XIAP: variants seen among roughly 807,000 people sequenced by gnomAD.
The protein encoded by XIAP is X-linked inhibitor of apoptosis, also known as E3 ubiquitin-protein ligase XIAP.
In XIAP, 3 loss-of-function variants were observed where a neutral mutation model predicts 33.1. The ratio of observed to expected loss-of-function variants is 0.09; its 90% CI spans 0.04 to 0.23. The LOEUF (loss-of-function observed/expected upper bound fraction) is 0.23, where lower values mean the gene tolerates loss of function less well. Ranked by LOEUF, XIAP falls within the 10% of genes least tolerant of loss-of-function variation. The pLI, the probability that XIAP is intolerant of heterozygous loss-of-function variation, is 1.00. For synonymous variants in XIAP, 98 were observed against 121.3 expected (o/e 0.81, Z 1.26); for missense variants, 264 against 363.0 (o/e 0.73, Z 2.22).
At position 123,900,653 on chromosome X, in the gene XIAP, C is replaced by T. The variant is rs1401498519; in HGVS notation, c.1260C>T (p.Asp420=). 1 of 1,211,406 alleles carries T rather than the reference C, an allele frequency of 8.3e-7. No individual in the cohort carries two copies. The highest frequency in any genetic ancestry group is 1.8e-5 in the South Asian group (1 of 56,988). Residue 420 remains aspartate (D), a synonymous_variant, in exon 6 of 7, where the codon GAC becomes GAT. Transcript: ENST00000371199. ...LVADLVNAQK[D]SMQDESSQTS... is the part of the protein sequence containing the mutation. Reference sequence around the variant, plus strand: ...CAGATCTAGTGAATGCTCAGAAAGACAGTATGCAAGATGAGTCAAGTCAGA... The same window carrying T: ...CAGATCTAGTGAATGCTCAGAAAGATAGTATGCAAGATGAGTCAAGTCAGA...
intron 3 of XIAP, among the ~76,000 whole-genome samples, chrX:123,889,333 G>A (rs1418240803): frequency 9.3e-6 from 1 of 107,410 alleles, no homozygotes; most frequent in Non-Finnish European, 1.9e-5. Flanking sequence ...CTTGTGATCC[G>A]CCCGCCTCGG....
At chrX:123,889,997 A>AATTTTT (rs2053389824) in intron 3 of XIAP, among the ~76,000 whole-genome samples, 3 of 33,072 alleles carry the variant, frequency 9.1e-5, no homozygotes, top group South Asian at 5.5e-3. Context: ...AGTTGTTCAC[A>AATTTTT]TTTTTTTTTT....
rs2053605898 is a variant in XIAP at position 123,911,901 on chromosome X, T to C, written c.*4720T>C. The C allele has an allele frequency of 3.1e-6, 1 of 326,692 alleles. No individual in the cohort carries two copies. Among genetic ancestry groups the C allele is most frequent in the Admixed American group, 3.1e-5 (1 of 31,751 alleles). 26.9% of individuals were successfully genotyped at this position (326,692 alleles called of 1,213,427 possible). On this transcript the variant is annotated 3_prime_UTR_variant, in exon 7 of 7. Coordinates refer to ENST00000371199, the MANE Select transcript of XIAP (RefSeq NM_001167.4). ...GGAAGTGACCTTAGAGAGTATCCAG[T>C]TCTTTCATTTTACAGGTGAGGCAAC... is the stretch of plus-strand genomic sequence containing the variant.
chrX:123,912,216 G>GAA lies in XIAP; in HGVS notation c.*5046_*5047dup, dbSNP rs368295939. ...ACCAAGGAGGAATTGAAAACACTGA[G>GAA]AAAAAAAAAAAAGACCACACAATAA... On this transcript the variant is annotated 3_prime_UTR_variant, in exon 7 of 7. Transcript: ENST00000371199. 1,382 of 196,455 alleles carry GAA rather than the reference G, an allele frequency of 7.0e-3. 4 individuals are homozygous for GAA. Among genetic ancestry groups the GAA allele is most frequent in the East Asian group, 0.015 (103 of 6,838 alleles). 16.2% of individuals were successfully genotyped at this position (196,455 alleles called of 1,213,427 possible).
chrX:123,888,070 A>G (rs2053370395), intron 2 of XIAP, among the ~76,000 whole-genome samples: 2 of 110,957 alleles, frequency 1.8e-5, no homozygotes, highest in South Asian at 7.5e-4. Flanking sequence ...ACAGTGGCTT[A>G]CGCCTGTAAT....
At chrX:123,903,868 G>A (rs893190453) in intron 6 of XIAP, among the ~76,000 whole-genome samples, 6 of 108,345 alleles carry the variant, frequency 5.5e-5, no homozygotes, top group Non-Finnish European at 9.5e-5. Flanking sequence ...CAGGAGGATT[G>A]CTTGAGACCA....
At chrX:123,886,679 C>T (rs956851058) in intron 2 of XIAP, 140 bp downstream of exon 2, 17 of 642,686 alleles carry the variant, frequency 2.6e-5, no homozygotes, top group African/African-American at 9.0e-5. Flanking sequence ...TGTATTATTC[C>T]GTGAACTCTT....
chrX:123,896,464 A>G (rs1183677790), intron 5 of XIAP, among the ~76,000 whole-genome samples: 2 of 111,035 alleles, frequency 1.8e-5, no homozygotes, highest in Non-Finnish European at 3.8e-5. Context: ...TTTATATATT[A>G]CAGTTCTTTT....
intron 6 of XIAP, among the ~76,000 whole-genome samples, chrX:123,904,462 C>T (rs1224961449): frequency 9.0e-6 from 1 of 111,099 alleles, no homozygotes. Flanking sequence ...TCCCATTCCC[C>T]ACTCTACCCC....
intron 3 of XIAP, among the ~76,000 whole-genome samples, chrX:123,889,248 G>A (rs2053382375): frequency 9.0e-6 from 1 of 110,813 alleles, no homozygotes; most frequent in Non-Finnish European, 1.9e-5. Flanking sequence ...GTGCCACCAC[G>A]CCCAGCTAAT....
chrX:123,869,529 TAAAG>T (rs1437087292), intron 1 of XIAP, among the ~76,000 whole-genome samples: 1 of 83,893 alleles, frequency 1.2e-5, no homozygotes, highest in Non-Finnish European at 2.4e-5. Flanking sequence ...ATCTCAAAAA[TAAAG>T]AAAAGAAAAA....
chrX:123,860,059 CTGACGT>C lies in XIAP; in HGVS notation c.-266_-261del. ...CCGCGCCCGGTGTCTCTTTGAGGCC[CTGACGT>C]GGACACACTTCGGGTTTCACGACTC... On this transcript the variant is annotated 5_prime_UTR_variant, in exon 1 of 7. Transcript: ENST00000371199. 3.0e-6 allele frequency: 1 copy of C among 328,897 alleles called. No individual in the cohort carries two copies. Among genetic ancestry groups the C allele is most frequent in the South Asian group, 2.6e-5 (1 of 38,491 alleles). 27.1% of individuals were successfully genotyped at this position (328,897 alleles called of 1,213,427 possible). A position where few individuals can be genotyped will look rare whatever the true frequency, so the allele number is the denominator to read the frequency against.
intron 1 of XIAP, among the ~76,000 whole-genome samples, chrX:123,883,885 A>T (rs2148087357): frequency 9.0e-6 from 1 of 111,487 alleles, no homozygotes; most frequent in East Asian, 2.8e-4. Flanking sequence ...TTGAATCTTG[A>T]TTTTTGTCAT....
intron 3 of XIAP, among the ~76,000 whole-genome samples, chrX:123,890,455 C>T (rs1438699620): frequency 1.0e-5 from 1 of 97,536 alleles, no homozygotes; most frequent in Non-Finnish European, 2.1e-5. Context: ...AAGACCCTGT[C>T]TCTACAAAAA....
intron 1 of XIAP, chrX:123,860,524 C>T: frequency 3.9e-6 from 1 of 254,211 alleles, no homozygotes. Context: ...GGATTGCCTT[C>T]CTAAACCCTG....
intron 5 of XIAP, among the ~76,000 whole-genome samples, chrX:123,893,586 G>A (rs970467944): frequency 2.7e-5 from 3 of 111,545 alleles, no homozygotes; most frequent in Admixed American, 9.6e-5. Flanking sequence ...GTCAGAGGCT[G>A]GGTGCAGTGG....
At chrX:123,893,747 G>A (rs754295486) in intron 5 of XIAP, among the ~76,000 whole-genome samples, 3 of 111,278 alleles carry the variant, frequency 2.7e-5, no homozygotes, top group African/African-American at 6.5e-5. Flanking sequence ...AGGCCGAGGC[G>A]GGAGAATCGC....
Position 123,909,224 on chromosome X carries a change from T to A in XIAP, c.*2043T>A, listed in dbSNP as rs1244496075. 6.6e-6 allele frequency: 2 copies of A among 304,020 alleles called. No homozygotes were observed. The highest frequency in any genetic ancestry group is 7.2e-5 in the Admixed American group (2 of 27,682). 25.1% of individuals were successfully genotyped at this position (304,020 alleles called of 1,213,427 possible). ...TTTTTTATTTTTAGTAGAGACGGGG[T>A]TTCACCATGTTGGCCAGGCTGGTAT... On this transcript the variant is annotated 3_prime_UTR_variant, in exon 7 of 7. Coordinates refer to ENST00000371199, the MANE Select transcript of XIAP (RefSeq NM_001167.4).
intron 5 of XIAP, 100 bp from the exon 6 acceptor site, chrX:123,900,393 C>T: frequency 1.7e-5 from 13 of 782,202 alleles, no homozygotes; most frequent in Non-Finnish European, 2.2e-5. Context: ...TCGCTTGCTC[C>T]TTAATTTTTT....
Sources: gnomAD v4.1 joint callset for allele counts (sites outside exome capture counted in the v4.1 genomes callset) on GRCh38, gnomAD v4.1.1 for gene constraint, MANE v1.5 for transcripts, NCBI Gene and HGNC (gene_info 2026-07-23, HGNC 2026-07-21) for gene names.